The following ITGB5 variants were observed in gnomAD, a reference collection of about 807,000 sequenced individuals.
The protein encoded by ITGB5 is integrin subunit beta 5, also known as integrin beta-5.
Under a neutral mutation model 84.8 loss-of-function variants are expected in ITGB5, and 38 were observed. The ratio of observed to expected loss-of-function variants is 0.45; its 90% CI spans 0.35 to 0.59. The LOEUF (loss-of-function observed/expected upper bound fraction) is 0.59. Ranked by LOEUF, ITGB5 falls within the 20% of genes least tolerant of loss-of-function variation. The pLI is 0.01. For synonymous variants in ITGB5, 393 were observed against 414.4 expected, an observed-to-expected ratio of 0.95 and a Z score of 0.63; for missense variants, 905 against 1,034.5, an observed-to-expected ratio of 0.87 and a Z score of 1.72.
At chr3:124,828,317 T>C (rs1235220444) in intron 5 of ITGB5, among the ~76,000 whole-genome samples, 1 of 152,212 alleles carries the variant, frequency 6.6e-6, no homozygotes, top group African/African-American at 2.4e-5. Context: ...AACTGTTGCA[T>C]ATCTATGCGA....
At chr3:124,836,416 A>C (rs2064936014) in intron 5 of ITGB5, among the ~76,000 whole-genome samples, 1 of 151,936 alleles carries the variant, frequency 6.6e-6, no homozygotes, top group Non-Finnish European at 1.5e-5. Context: ...ACAGCACTCC[A>C]GCCTGGGCGA....
Position 124,809,151 on chromosome 3 carries a change from G to A in ITGB5, c.1134C>T (p.Ile378=). 6.2e-7 allele frequency: 1 copy of A among 1,614,016 alleles called. No homozygotes were observed. Among genetic ancestry groups the A allele is most frequent in the Non-Finnish European group, 8.5e-7 (1 of 1,179,994 alleles). Residue 378 remains isoleucine, a synonymous_variant, in exon 9 of 15, where the codon ATC becomes ATT. Transcript: ENST00000296181. The stretch of plus-strand genomic sequence containing the variant: ...AGACTGACAACTCCACTTTAGACCG[G>A]ATACTCTGAATGGAGAGAGAAAATG... ...IQLIINAYNS[I]RSKVELSVWD...
At chr3:124,783,532 C>T (rs2064036658) in intron 10 of ITGB5, among the ~76,000 whole-genome samples, 1 of 152,148 alleles carries the variant, frequency 6.6e-6, no homozygotes, top group Admixed American at 6.5e-5. Flanking sequence ...AGAAGATGCT[C>T]AGAACATGCT....
intron 2 of ITGB5, among the ~76,000 whole-genome samples, chr3:124,860,947 T>C (rs912248558): frequency 1.3e-5 from 2 of 151,840 alleles, no homozygotes; most frequent in African/African-American, 4.9e-5. Flanking sequence ...ACACCTGTAA[T>C]CCCAGCACTT....
chr3:124,787,559 GCAGCCAGTA>G (rs2064099130), intron 10 of ITGB5: 1 of 152,194 alleles, frequency 6.6e-6, no homozygotes, highest in South Asian at 2.1e-4. Flanking sequence ...TATATCCCTG[GCAGCCAGTA>G]CAACACTTGG....
intron 5 of ITGB5, among the ~76,000 whole-genome samples, chr3:124,828,691 C>T (rs558758203): frequency 6.6e-6 from 1 of 152,322 alleles, no homozygotes; most frequent in South Asian, 2.1e-4. Flanking sequence ...TACTTCGATG[C>T]TCAGGCTGGT....
intron 4 of ITGB5, among the ~76,000 whole-genome samples, chr3:124,843,973 C>T (rs944297647): frequency 6.6e-6 from 1 of 151,988 alleles, no homozygotes; most frequent in African/African-American, 2.4e-5. Context: ...TCTAATGCCT[C>T]AGGAGAATAT....
intron 10 of ITGB5, among the ~76,000 whole-genome samples, chr3:124,784,171 G>A (rs147198485): frequency 6.6e-5 from 10 of 152,294 alleles, no homozygotes; most frequent in African/African-American, 2.2e-4. Context: ...CAACAGAACC[G>A]TCTCAAAGGC....
At chr3:124,891,923 A>T (rs1409073162), upstream of ITGB5, among the ~76,000 whole-genome samples, 1 of 152,036 alleles carries the variant, frequency 6.6e-6, no homozygotes. Flanking sequence ...TCTCAAAAAA[A>T]AATAAAAATA....
In ITGB5 at chr3:124,767,359, G is replaced by A. The variant is rs191536709; in HGVS notation, c.2018-1014C>T. On this transcript the variant is annotated intron_variant, in intron 12 of 14. Coordinates refer to ENST00000296181, the MANE Select transcript of ITGB5 (RefSeq NM_002213.5). ...GTCTCAGCTCCCTTCTGGGCTGGGT[G>A]AGTATGAGTGAGCATGTGAGTGTGT... Among the ~76,000 whole-genome samples the A allele has an allele frequency of 5.3e-5, 8 of 152,358 alleles. No homozygotes were observed. In the East Asian group the frequency reaches 1.5e-3, roughly 29 times the overall value.
intron 2 of ITGB5, among the ~76,000 whole-genome samples, chr3:124,871,323 T>TA (rs1163697919): frequency 6.6e-6 from 1 of 152,150 alleles, no homozygotes; most frequent in Non-Finnish European, 1.5e-5. Context: ...GCCTCCCAAG[T>TA]AGCTGGGATT....
intron 11 of ITGB5, among the ~76,000 whole-genome samples, chr3:124,770,790 C>T (rs1354675711): frequency 3.9e-5 from 6 of 152,176 alleles, no homozygotes; most frequent in Non-Finnish European, 8.8e-5. Context: ...GATGGTAACT[C>T]TCCCCACAGT....
chr3:124,783,516 G>A (rs781090654), intron 10 of ITGB5, among the ~76,000 whole-genome samples: 1 of 152,150 alleles, frequency 6.6e-6, no homozygotes, highest in African/African-American at 2.4e-5. Flanking sequence ...ATGGTGTCAG[G>A]CGTGTAGAAG....
chr3:124,865,181 C>A (rs963152784), intron 2 of ITGB5, among the ~76,000 whole-genome samples: 5 of 152,166 alleles, frequency 3.3e-5, no homozygotes, highest in Non-Finnish European at 5.9e-5. Flanking sequence ...TATCCTTTTG[C>A]AGAGAAACAG....
At chr3:124,827,986 A>AC (rs1408990454) in intron 5 of ITGB5, among the ~76,000 whole-genome samples, 1 of 142,920 alleles carries the variant, frequency 7.0e-6, no homozygotes, top group Admixed American at 7.0e-5. Flanking sequence ...CACCCCCCCA[A>AC]CGCCCCCGCC....
Position 124,769,036 on chromosome 3 carries a change from A to G in ITGB5, c.1994T>C (p.Val665Ala), listed in dbSNP as rs773716994. ...QTCHSLCRDE[V>A]ITWVDTIVKD... Reference sequence around the variant, plus strand: ...ACCGATGGTGTCCACCCATGTGATCACCTCATCCCTGCATAGGCTGTGGCA... The same window carrying G: ...ACCGATGGTGTCCACCCATGTGATCGCCTCATCCCTGCATAGGCTGTGGCA... The change falls in exon 12 of 15, where the codon GTG (valine) becomes GCG (alanine). Residue 665 changes from valine (V) to alanine (A), a missense_variant. Val to Ala is a moderately conservative substitution (Grantham distance 64, BLOSUM62 0). This residue lies in a region of ITGB5 where 116 missense variants were observed against 177.0 expected (regional missense o/e 0.66). Transcript: ENST00000296181. 1.2e-6 allele frequency: 2 copies of G among 1,613,664 alleles called. No homozygotes were observed. Among genetic ancestry groups the G allele is most frequent in the East Asian group, 2.2e-5 (1 of 44,880 alleles).
At chr3:124,767,698 A>G (rs1272561240) in intron 12 of ITGB5, among the ~76,000 whole-genome samples, 2 of 152,158 alleles carry the variant, frequency 1.3e-5, no homozygotes, top group African/African-American at 4.8e-5. Flanking sequence ...TCCACTCCCC[A>G]CAGTCTCCTA....
chr3:124,772,619 A>C (rs1414466251), intron 11 of ITGB5, among the ~76,000 whole-genome samples: 1 of 152,220 alleles, frequency 6.6e-6, no homozygotes. Context: ...TTTCTCCAGC[A>C]AACTCCAAGA....
chr3:124,787,952 G>T (rs1388108105), intron 10 of ITGB5, among the ~76,000 whole-genome samples: 1 of 144,980 alleles, frequency 6.9e-6, no homozygotes, highest in Non-Finnish European at 1.5e-5. Context: ...CTGTTGCCCA[G>T]GCTGGAGTGC....
Sources: gnomAD v4.1 joint callset for allele counts (sites outside exome capture counted in the v4.1 genomes callset) on GRCh38, gnomAD v4.1.1 for gene constraint, gnomAD v4.1.1 regional missense constraint, MANE v1.5 for transcripts, NCBI Gene and HGNC (gene_info 2026-07-23, HGNC 2026-07-21) for gene names.